ZFAND1: variants seen among roughly 807,000 people sequenced by gnomAD.
The protein encoded by ZFAND1 is AN1-type zinc finger protein 1.
Under a neutral mutation model 38.5 loss-of-function variants are expected in ZFAND1, and 40 were observed. That is an observed-to-expected ratio of 1.04 (90% CI 0.81 to 1.35). ZFAND1 has a LOEUF of 1.35. Ranked by LOEUF, ZFAND1 falls within the 40% of genes most tolerant of loss-of-function variation. ZFAND1 has a pLI of 0.00. For synonymous variants in ZFAND1, 117 were observed against 103.6 expected (o/e 1.13, Z -0.78); for missense variants, 346 against 316.3 (o/e 1.09, Z -0.71).
intron 1 of ZFAND1, among the ~76,000 whole-genome samples, chr8:81,720,062 G>C (rs1290182628): frequency 6.6e-6 from 1 of 152,146 alleles, no homozygotes; most frequent in Non-Finnish European, 1.5e-5. Context: ...ATCAATTATG[G>C]AACTCCACTG....
intron 1 of ZFAND1, 77 bp downstream of exon 1, chr8:81,721,150 C>T (rs1173591044): frequency 3.3e-6 from 5 of 1,524,690 alleles, no homozygotes; most frequent in Non-Finnish European, 3.5e-6. Flanking sequence ...CCTTCACCCG[C>T]CGCCACCATC....
At chr8:81,704,874 T>C (rs1378418635) in intron 6 of ZFAND1, among the ~76,000 whole-genome samples, 1 of 151,276 alleles carries the variant, frequency 6.6e-6, no homozygotes, top group Non-Finnish European at 1.5e-5. Context: ...ACCTCTATAA[T>C]CAAATATTAC....
intron 6 of ZFAND1, among the ~76,000 whole-genome samples, chr8:81,704,118 AAAG>A (rs976142470): frequency 3.3e-5 from 5 of 152,150 alleles, no homozygotes; most frequent in Non-Finnish European, 7.4e-5. Flanking sequence ...AAAAAAAAAA[AAAG>A]AGATAGAAAA....
chr8:81,710,609 A>C (rs1808113380), intron 6 of ZFAND1, among the ~76,000 whole-genome samples: 2 of 152,192 alleles, frequency 1.3e-5, no homozygotes, highest in South Asian at 4.1e-4. Flanking sequence ...AACAAAGTTC[A>C]GCTATATGCT....
At chr8:81,706,730 T>TA (rs1162091553) in intron 6 of ZFAND1, among the ~76,000 whole-genome samples, 1 of 152,116 alleles carries the variant, frequency 6.6e-6, no homozygotes, top group East Asian at 1.9e-4. Flanking sequence ...ACTAGAAAAT[T>TA]AAAAAACACT....
chr8:81,720,689 C>A (rs985427263), intron 1 of ZFAND1: 3 of 154,088 alleles, frequency 1.9e-5, no homozygotes, highest in Non-Finnish European at 4.3e-5. Flanking sequence ...AGTAGCTGGC[C>A]GTAGGTCGCA....
intron 6 of ZFAND1, among the ~76,000 whole-genome samples, chr8:81,706,370 C>A (rs199982447): frequency 5.3e-3 from 383 of 72,638 alleles, no homozygotes; most frequent in Admixed American, 6.8e-3. Context: ...GAAGGAGAAA[C>A]AAAAAAAAAA....
At chr8:81,712,470 C>T (rs1484830248) in intron 6 of ZFAND1, among the ~76,000 whole-genome samples, 1 of 151,952 alleles carries the variant, frequency 6.6e-6, no homozygotes, top group African/African-American at 2.4e-5. Flanking sequence ...GAAGATATGA[C>T]TACACAGAAA....
intron 2 of ZFAND1, 28 bp from the exon 3 acceptor site, chr8:81,717,316 T>C: frequency 1.3e-6 from 2 of 1,493,792 alleles, no homozygotes; most frequent in Non-Finnish European, 1.8e-6. Flanking sequence ...AGTGTTTATT[T>C]AAATAACATA....
chr8:81,706,370 C>CAAAAA (rs35031788), intron 6 of ZFAND1, among the ~76,000 whole-genome samples: 4,007 of 72,264 alleles, frequency 0.055, 23 homozygotes, highest in Non-Finnish European at 0.064. Flanking sequence ...GAAGGAGAAA[C>CAAAAA]AAAAAAAAAA....
At chr8:81,708,715 G>A in intron 6 of ZFAND1, 1 of 1,068,420 alleles carries the variant, frequency 9.4e-7, no homozygotes, top group Non-Finnish European at 1.1e-6. Context: ...TGGAAACCAT[G>A]GAGAAAAAGG....
At chr8:81,706,853 A>G (rs1808000047) in intron 6 of ZFAND1, among the ~76,000 whole-genome samples, 2 of 152,248 alleles carry the variant, frequency 1.3e-5, no homozygotes, top group South Asian at 2.1e-4. Context: ...ACTTGGCAAT[A>G]GAAGTGGGGA....
At chr8:81,720,907 A>G (rs1210111530) in intron 1 of ZFAND1, 5 of 453,516 alleles carry the variant, frequency 1.1e-5, no homozygotes, top group African/African-American at 2.1e-5. Flanking sequence ...TCATTTCAAA[A>G]GCTCACGGCC....
Position 81,721,270 on chromosome 8 carries a change from C to G in ZFAND1, c.12G>C (p.Leu4Phe). MAE[L>F]DIGQHCQVEH... ...CCACCTGGCAGTGCTGCCCGATGTC[C>G]AACTCCGCCATCTCTCCGGCGCCGT... Residue 4 changes from leucine (L) to phenylalanine (F), a missense_variant, in exon 1 of 8, where the codon TTG (leucine) becomes TTC (phenylalanine). By Grantham distance (22) the Leu-to-Phe change is conservative. Transcript: ENST00000220669. 6.5e-7 allele frequency: 1 copy of G among 1,549,096 alleles called. No homozygotes were observed. Among genetic ancestry groups the G allele is most frequent in the South Asian group, 1.2e-5 (1 of 84,044 alleles).
intron 6 of ZFAND1, among the ~76,000 whole-genome samples, chr8:81,710,865 TAGG>T (rs978279682): frequency 8.5e-5 from 13 of 152,150 alleles, no homozygotes; most frequent in African/African-American, 2.7e-4. Context: ...ACATCCATAG[TAGG>T]AGATTTTAAC....
At chr8:81,714,127 A>T in intron 5 of ZFAND1, 88 bp from the exon 6 acceptor site, 4 of 1,257,536 alleles carry the variant, frequency 3.2e-6, no homozygotes, top group Non-Finnish European at 2.2e-6. Flanking sequence ...TGGCTCAGAA[A>T]CATATATAAA....
intron 6 of ZFAND1, among the ~76,000 whole-genome samples, chr8:81,704,703 G>A (rs1439235334): frequency 6.6e-6 from 1 of 152,224 alleles, no homozygotes; most frequent in African/African-American, 2.4e-5. Flanking sequence ...CTAACTTGTG[G>A]GGGAAAGATC....
At chr8:81,719,234 C>T (rs370254346) in intron 1 of ZFAND1, among the ~76,000 whole-genome samples, 3 of 150,916 alleles carry the variant, frequency 2.0e-5, no homozygotes, top group Non-Finnish European at 1.5e-5. Flanking sequence ...TTTGGGAGGC[C>T]GAGGGGGGCG....
At chr8:81,717,217 C>A in intron 3 of ZFAND1, 32 bp downstream of exon 3, 1 of 1,500,526 alleles carries the variant, frequency 6.7e-7, no homozygotes, top group Non-Finnish European at 8.9e-7. Flanking sequence ...AATACGAATA[C>A]ATTTTATCAG....
Sources: gnomAD v4.1 joint callset for allele counts (sites outside exome capture counted in the v4.1 genomes callset) on GRCh38, gnomAD v4.1.1 for gene constraint, MANE v1.5 for transcripts, NCBI Gene and HGNC (gene_info 2026-07-23, HGNC 2026-07-21) for gene names.